OTUD7B: variants seen among roughly 807,000 people sequenced by gnomAD.
OTUD7B encodes OTU deubiquitinase 7B.
A neutral mutation model predicts 82.2 loss-of-function variants in OTUD7B; 34 were observed. The observed-to-expected ratio is 0.41, with a 90% confidence interval of 0.31 to 0.55. The LOEUF (loss-of-function observed/expected upper bound fraction) is 0.55. OTUD7B is among the 20% of genes least tolerant of loss of function. OTUD7B has a pLI of 0.20. For synonymous variants in OTUD7B, 398 were observed against 402.7 expected (o/e 0.99, Z 0.14); for missense variants, 944 against 1,062.1 (o/e 0.89, Z 1.55).
chr1:149,972,801 G>A (rs1400232803), intron 2 of OTUD7B, among the ~76,000 whole-genome samples: 1 of 152,148 alleles, frequency 6.6e-6, no homozygotes, highest in Admixed American at 6.5e-5. Flanking sequence ...CATCTGCCTT[G>A]AGCATCGGAT....
At position 149,982,841 on chromosome 1, in the gene OTUD7B, C is replaced by CT. The variant is rs34122678; in HGVS notation, c.-66-5266dup. Among the ~76,000 whole-genome samples, 21 of 84,160 alleles carry CT rather than the reference C, an allele frequency of 2.5e-4. 8 individuals are homozygous for CT. Among genetic ancestry groups the CT allele is most frequent in the Middle Eastern group, 0.037 (2 of 54 alleles). 55.2% of individuals were successfully genotyped at this position (84,160 alleles called of 152,430 possible). A position where few individuals can be genotyped will look rare whatever the true frequency, so the allele number is the denominator to read the frequency against. ...TCTCCTTCCAGCTTCTCCTCTCTTACTTTTTTTTTTTTTTTTTTTTTTTAA... is the reference window on the plus strand; with the variant it reads ...TCTCCTTCCAGCTTCTCCTCTCTTACTTTTTTTTTTTTTTTTTTTTTTTTAA... On this transcript the variant is annotated intron_variant, in intron 1 of 11. Coordinates refer to ENST00000581312, the MANE Select transcript of OTUD7B (RefSeq NM_020205.4).
At chr1:150,063,185 C>T in the OTUD7B span, among the ~76,000 whole-genome samples, 26 of 152,224 alleles carry the variant, frequency 1.7e-4, no homozygotes, top group Non-Finnish European at 2.2e-4. Flanking sequence ...GGCATGGTGG[C>T]TCATGCCTAT....
chr1:150,063,669 T>C, the OTUD7B span, among the ~76,000 whole-genome samples: 3 of 152,196 alleles, frequency 2.0e-5, no homozygotes, highest in East Asian at 5.8e-4. Context: ...CTATTATCAA[T>C]TTACCTACTC....
chr1:149,979,680 T>C (rs1553779297), intron 1 of OTUD7B, among the ~76,000 whole-genome samples: 1 of 152,136 alleles, frequency 6.6e-6, no homozygotes, highest in African/African-American at 2.4e-5. Context: ...AAATGTCAAA[T>C]TCAAATGTCA....
chr1:149,950,705 A>G (rs1648125369), intron 7 of OTUD7B, among the ~76,000 whole-genome samples: 3 of 151,970 alleles, frequency 2.0e-5, no homozygotes, highest in African/African-American at 7.3e-5. Flanking sequence ...CATAATCAGA[A>G]ATTTGGAAAT....
rs376315645 is a variant in OTUD7B, at chr1:149,950,134, G to A, written c.933C>T (p.Val311=). ...CCCTCAGCATGGTGTCTGCCACGAC[G>A]ACTATGGGCCTCCTAAGCACATGAG... ...VLAHVLRRPI[V]VVADTMLRDS... is the part of the protein sequence containing the mutation. Residue 311 remains valine, a synonymous_variant, in exon 8 of 12, where the codon GTC becomes GTT. Coordinates refer to ENST00000581312, the MANE Select transcript of OTUD7B (RefSeq NM_020205.4). 4.2e-5 allele frequency: 68 copies of A among 1,613,970 alleles called. 1 individual carries two copies. The African/African-American group carries it at 7.2e-4, about 17-fold the overall frequency.
intron 1 of OTUD7B, among the ~76,000 whole-genome samples, chr1:150,003,771 T>G (rs1652465466): frequency 6.6e-6 from 1 of 152,156 alleles, no homozygotes; most frequent in African/African-American, 2.4e-5. Context: ...GCTCTTTCCC[T>G]AAACTTTAGT....
chr1:150,022,662 C>T, the OTUD7B span, among the ~76,000 whole-genome samples: 1 of 152,138 alleles, frequency 6.6e-6, no homozygotes, highest in East Asian at 1.9e-4. Context: ...CTAATGACAT[C>T]ACTATGTCTC....
the OTUD7B span, chr1:150,055,024 T>C: frequency 9.3e-6 from 2 of 216,062 alleles, no homozygotes; most frequent in South Asian, 5.6e-5. Flanking sequence ...TCCTTACAAA[T>C]TGGTGTTCTA....
At chr1:149,992,888 C>T (rs182456178) in intron 1 of OTUD7B, among the ~76,000 whole-genome samples, 44 of 152,084 alleles carry the variant, frequency 2.9e-4, no homozygotes, top group Admixed American at 9.2e-4. Flanking sequence ...TGGTGGCTCA[C>T]GCCTGTAATC....
the OTUD7B span, among the ~76,000 whole-genome samples, chr1:150,039,440 C>T: frequency 6.6e-6 from 1 of 151,978 alleles, no homozygotes; most frequent in Non-Finnish European, 1.5e-5. Context: ...TGCAGTGGCG[C>T]GATCTAGGCT....
intron 11 of OTUD7B, among the ~76,000 whole-genome samples, chr1:149,946,088 T>TA (rs1647701949): frequency 1.6e-3 from 205 of 131,200 alleles, no homozygotes; most frequent in African/African-American, 5.7e-3. Context: ...ATAATAATAA[T>TA]ATGTTTTAGG....
chr1:150,041,979 G>A, the OTUD7B span, among the ~76,000 whole-genome samples: 1 of 151,992 alleles, frequency 6.6e-6, no homozygotes, highest in Admixed American at 6.6e-5. Flanking sequence ...GCTTTGTAAT[G>A]TTTTCAGTAT....
chr1:149,995,263 T>C (rs1424432365), intron 1 of OTUD7B, among the ~76,000 whole-genome samples: 4 of 152,254 alleles, frequency 2.6e-5, no homozygotes, highest in Admixed American at 2.0e-4. Context: ...TTGATTAGCT[T>C]TCCAATACCA....
intron 5 of OTUD7B, among the ~76,000 whole-genome samples, chr1:149,964,687 A>G (rs1649404092): frequency 6.6e-6 from 1 of 151,304 alleles, no homozygotes; most frequent in South Asian, 2.1e-4. Flanking sequence ...TCCGCCTCCC[A>G]TGTTCAAGAG....
intron 1 of OTUD7B, among the ~76,000 whole-genome samples, chr1:150,002,296 T>C (rs1466843755): frequency 6.6e-6 from 1 of 152,072 alleles, no homozygotes; most frequent in East Asian, 1.9e-4. Flanking sequence ...TAAAACTAAG[T>C]TTAAAAGAAA....
At chr1:150,056,602 T>C in the OTUD7B span, among the ~76,000 whole-genome samples, 12 of 152,194 alleles carry the variant, frequency 7.9e-5, no homozygotes, top group Admixed American at 2.6e-4. Flanking sequence ...GTTACATAAC[T>C]TGCCAAGTTA....
At chr1:150,053,828 C>T in the OTUD7B span, 7 of 252,840 alleles carry the variant, frequency 2.8e-5, no homozygotes, top group Non-Finnish European at 4.5e-5. Context: ...TCAGAATGGC[C>T]ATTATTAAAA....
chr1:150,006,302 A>G (rs1652666149), intron 1 of OTUD7B, among the ~76,000 whole-genome samples: 1 of 152,116 alleles, frequency 6.6e-6, no homozygotes, highest in Non-Finnish European at 1.5e-5. Flanking sequence ...CTAAAAATAC[A>G]AAAAATTAAC....
Sources: allele counts gnomAD v4.1 joint callset (sites outside exome capture counted in the v4.1 genomes callset), GRCh38; gene constraint gnomAD v4.1.1; transcripts MANE v1.5; gene names NCBI Gene and HGNC (gene_info 2026-07-23, HGNC 2026-07-21).